The following BLTP2 variants were observed in gnomAD, a reference collection of about 807,000 sequenced individuals.
BLTP2 encodes the protein bridge-like lipid transfer protein family member 2.
chr17:28,632,996 GA>G, the BLTP2 span: 1 of 1,570,372 alleles, frequency 6.4e-7, no homozygotes, highest in Non-Finnish European at 8.6e-7. Flanking sequence ...TTCTCCGAGC[GA>G]AAGGCCCGGT....
At chr17:28,637,116 G>A in the BLTP2 span, 3 of 1,614,160 alleles carry the variant, frequency 1.9e-6, no homozygotes, top group Non-Finnish European at 2.5e-6. Flanking sequence ...CCCCACAGTG[G>A]ACGTCTCTGC....
the BLTP2 span, chr17:28,615,801 G>GT: frequency 1.5e-5 from 25 of 1,613,272 alleles, no homozygotes; most frequent in Non-Finnish European, 2.0e-5. Context: ...TTCTCACCCT[G>GT]TAAGAGGAGG....
chr17:28,643,430 G>C, the BLTP2 span: 1 of 1,442,646 alleles, frequency 6.9e-7, no homozygotes, highest in Non-Finnish European at 9.6e-7. Flanking sequence ...ACAGAGATTA[G>C]TTTCATAGCA....
chr17:28,627,849 T>C, the BLTP2 span, among the ~76,000 whole-genome samples: 1 of 151,994 alleles, frequency 6.6e-6, no homozygotes, highest in Non-Finnish European at 1.5e-5. Flanking sequence ...TTAGTAGAGA[T>C]GGGGTTTTGC....
chr17:28,624,457 G>A, the BLTP2 span: 1 of 1,423,120 alleles, frequency 7.0e-7, no homozygotes, highest in Non-Finnish European at 9.6e-7. Flanking sequence ...CCTTTCCAGA[G>A]CCAAATTGAT....
At chr17:28,617,218 GA>G in the BLTP2 span, 4 of 1,607,766 alleles carry the variant, frequency 2.5e-6, no homozygotes, top group South Asian at 1.1e-5. Flanking sequence ...TAGGAAAGGG[GA>G]AAAAAGACTT....
the BLTP2 span, chr17:28,615,156 G>A: frequency 6.2e-7 from 1 of 1,614,096 alleles, no homozygotes. Flanking sequence ...TCCTCTTCCT[G>A]CTGTTGCATG....
chr17:28,620,187 G>A, the BLTP2 span: 1 of 674,366 alleles, frequency 1.5e-6, no homozygotes, highest in Non-Finnish European at 2.5e-6. Flanking sequence ...TGGCAATGTG[G>A]ATTTCACAAT....
the BLTP2 span, chr17:28,615,015 A>G: frequency 1.9e-6 from 3 of 1,551,102 alleles, no homozygotes; most frequent in South Asian, 2.4e-5. Flanking sequence ...AAGTCCCTGG[A>G]GCCTGAGCCA....
the BLTP2 span, chr17:28,634,683 T>A: frequency 1.2e-6 from 2 of 1,614,086 alleles, no homozygotes; most frequent in East Asian, 4.5e-5. Context: ...CTAGCCCTGC[T>A]AAGCTCCAAG....
At chr17:28,639,037 C>T in the BLTP2 span, 8 of 491,168 alleles carry the variant, frequency 1.6e-5, no homozygotes, top group South Asian at 1.1e-4. Context: ...GCAGGCAAGA[C>T]AAAGACATTC....
the BLTP2 span, chr17:28,644,142 C>A: frequency 6.2e-7 from 1 of 1,614,236 alleles, no homozygotes; most frequent in Non-Finnish European, 8.5e-7. Context: ...GCTCCGCCTG[C>A]AGCTTCCGCT....
At chr17:28,640,755 CTCTATGGTCAAATCCTCCCACA>C in the BLTP2 span, 2 of 1,466,208 alleles carry the variant, frequency 1.4e-6, no homozygotes, top group Non-Finnish European at 1.9e-6. Context: ...ATGCCCTGGC[CTCTATGGTCAAATCCTCCCACA>C]TAAAGTAGGC....
chr17:28,643,018 T>C, the BLTP2 span: 6 of 1,524,080 alleles, frequency 3.9e-6, no homozygotes, highest in Non-Finnish European at 5.5e-6. Context: ...TGAACAATAA[T>C]TAATGTTAAG....
chr17:28,619,016 A>C, the BLTP2 span: 1 of 1,529,776 alleles, frequency 6.5e-7, no homozygotes. Flanking sequence ...GAAACAGCAC[A>C]TGGGTTGGGG....
the BLTP2 span, chr17:28,639,524 G>GT: frequency 2.5e-6 from 4 of 1,612,620 alleles, no homozygotes; most frequent in Non-Finnish European, 3.4e-6. Flanking sequence ...ACGAAATAAT[G>GT]TAGCGGGAGA....
At chr17:28,637,157 T>C in the BLTP2 span, 19 of 1,613,950 alleles carry the variant, frequency 1.2e-5, 1 homozygote, top group South Asian at 2.1e-4. Flanking sequence ...TGTCCAGTCG[T>C]ACCTCTGAAG....
chr17:28,624,012 G>A, the BLTP2 span: 1 of 1,562,514 alleles, frequency 6.4e-7, no homozygotes, highest in Admixed American at 1.7e-5. Context: ...GGACGATGAG[G>A]TTAGTGAGCA....
chr17:28,628,349 G>C, the BLTP2 span: 1 of 1,614,144 alleles, frequency 6.2e-7, no homozygotes, highest in Admixed American at 1.7e-5. Context: ...GGGACACCCC[G>C]CTTTGGCTTT....
Sources: gnomAD v4.1 joint callset for allele counts (sites outside exome capture counted in the v4.1 genomes callset) on GRCh38, gnomAD v4.1.1 for gene constraint, MANE v1.5 for transcripts, NCBI Gene and HGNC (gene_info 2026-07-23, HGNC 2026-07-21) for gene names.